The following CLCN7 variants were observed in gnomAD, a reference collection of about 807,000 sequenced individuals.
CLCN7 encodes the protein H(+)/Cl(-) exchange transporter 7.
A neutral mutation model predicts 102.1 loss-of-function variants in CLCN7; 60 were observed. The ratio of observed to expected loss-of-function variants is 0.59; its 90% CI spans 0.48 to 0.73. The LOEUF (loss-of-function observed/expected upper bound fraction) is 0.73, where lower values mean the gene tolerates loss of function less well. Among genes scored for constraint, CLCN7 ranks in the 30% least tolerant of loss-of-function variants. The pLI, the probability that CLCN7 is intolerant of heterozygous loss-of-function variation, is 0.00. For synonymous variants in CLCN7, 560 were observed against 490.5 expected (o/e 1.14, Z -1.87); for missense variants, 962 against 1,125.7 (o/e 0.85, Z 2.08).
Position 1,461,439 on chromosome 16 carries a change from AGCTGGTTC to A in CLCN7, c.309_316del (p.Glu103AspfsTer40). 1 of 1,559,094 alleles carries A rather than the reference AGCTGGTTC, an allele frequency of 6.4e-7. No homozygotes were observed. The highest frequency in any genetic ancestry group is 2.4e-5 in the East Asian group (1 of 42,162). On this transcript the variant is annotated frameshift_variant, in exon 4 of 25. Transcript: ENST00000382745. LOFTEE classifies it high-confidence loss of function. ...GATCCGCCGCTCCTCCTCCAGGAACAGCTGGTTCTCACTGTTGTCATAGTCCAAGCTCT... is the reference window on the plus strand; with the variant it reads ...GATCCGCCGCTCCTCCTCCAGGAACATCACTGTTGTCATAGTCCAAGCTCT...
chr16:1,448,599 C>T (rs2038691932), intron 20 of CLCN7, 82 bp downstream of exon 20: 2 of 1,601,982 alleles, frequency 1.2e-6, no homozygotes, highest in Non-Finnish European at 1.7e-6. Flanking sequence ...CTGCCTGGAG[C>T]CCGCAAGCCG....
intron 1 of CLCN7, among the ~76,000 whole-genome samples, chr16:1,472,126 C>A (rs1338709596): frequency 6.6e-6 from 1 of 152,238 alleles, no homozygotes; most frequent in African/African-American, 2.4e-5. Context: ...TCCCAGGCAG[C>A]CACAGAGCAA....
At position 1,446,330 on chromosome 16, in the gene CLCN7, G is replaced by A. The variant is rs1158761509; in HGVS notation, c.*301C>T. ...CCCTGCCGCTGGCTCCCAAGAGGCCGATAGCCCGGTAGGGAGGTCACACAC... is the reference window on the plus strand; with the variant it reads ...CCCTGCCGCTGGCTCCCAAGAGGCCAATAGCCCGGTAGGGAGGTCACACAC... On this transcript the variant is annotated 3_prime_UTR_variant, in exon 25 of 25. Transcript: ENST00000382745. The A allele has an allele frequency of 1.4e-5, 10 of 701,672 alleles. No homozygotes were observed. The highest frequency in any genetic ancestry group is 3.5e-5 in the African/African-American group (2 of 57,246). The allele number at this position is 701,672 out of a possible 1,614,324, so 43.5% of individuals were successfully genotyped here. A position where few individuals can be genotyped will look rare whatever the true frequency, so the allele number is the denominator to read the frequency against.
At chr16:1,452,603 G>A in intron 15 of CLCN7, 152 bp downstream of exon 15, 1 of 793,424 alleles carries the variant, frequency 1.3e-6, no homozygotes, top group Non-Finnish European at 2.0e-6. Flanking sequence ...GATCTGGGTG[G>A]ACAGGACTAA....
In CLCN7 at chr16:1,461,481, G is replaced by A; in HGVS notation, c.286-11C>T. On this transcript the variant is annotated splice_polypyrimidine_tract_variant and intron_variant, in intron 3 of 24. Transcript: ENST00000382745. ...GTCATAGTCCAAGCTCTGCAGGCCG[G>A]GACAGCAAGGGCAGCACTCAGCACC... The A allele has an allele frequency of 6.3e-7, 1 of 1,586,382 alleles. No individual in the cohort carries two copies. Among genetic ancestry groups the A allele is most frequent in the Non-Finnish European group, 8.6e-7 (1 of 1,167,212 alleles).
At chr16:1,450,293 G>A (rs755019335) in intron 17 of CLCN7, 96 of 551,428 alleles carry the variant, frequency 1.7e-4, no homozygotes, top group Non-Finnish European at 2.8e-4. Flanking sequence ...CTCCACACAT[G>A]GGCTGCGCTG....
rs750290163 is a variant in CLCN7, at chr16:1,461,686, A to G, written c.214-12T>C. ...GGAGGGTCCATATCCTGTGGCAGAA[A>G]AAGGCAAAGAGAGAAGCACAGTTGA... On this transcript the variant is annotated splice_polypyrimidine_tract_variant and intron_variant, in intron 2 of 24. Coordinates refer to ENST00000382745, the MANE Select transcript of CLCN7 (RefSeq NM_001287.6). 1 of 1,612,972 alleles carries G rather than the reference A, an allele frequency of 6.2e-7. No homozygotes were observed. Among genetic ancestry groups the G allele is most frequent in the Middle Eastern group, 1.7e-4 (1 of 6,052 alleles).
At chr16:1,468,035 G>C (rs1677982050) in intron 1 of CLCN7, among the ~76,000 whole-genome samples, 1 of 152,044 alleles carries the variant, frequency 6.6e-6, no homozygotes, top group Non-Finnish European at 1.5e-5. Flanking sequence ...GTGAGCTATG[G>C]TTGCACCACT....
intron 1 of CLCN7, among the ~76,000 whole-genome samples, chr16:1,466,989 C>A (rs1369822935): frequency 6.6e-6 from 1 of 151,328 alleles, no homozygotes; most frequent in East Asian, 1.9e-4. Flanking sequence ...CCTCCAGGGA[C>A]CCCTTCCCCA....
In CLCN7 at chr16:1,445,150, C is replaced by G. The variant is rs2038614136; in HGVS notation, c.*1481G>C. Reference sequence around the variant, plus strand: ...TCTGCCTTGCCCCCAGACCCACCAGCCAGGAGCCAGAGGAGGGAGGCTGAG... The same window carrying G: ...TCTGCCTTGCCCCCAGACCCACCAGGCAGGAGCCAGAGGAGGGAGGCTGAG... On this transcript the variant is annotated 3_prime_UTR_variant, in exon 25 of 25. Coordinates refer to ENST00000382745, the MANE Select transcript of CLCN7 (RefSeq NM_001287.6). 6.6e-6 allele frequency: 1 copy of G among 152,132 alleles called. No homozygotes were observed. The highest frequency in any genetic ancestry group is 1.5e-5 in the Non-Finnish European group (1 of 68,046). 9.4% of individuals were successfully genotyped at this position (152,132 alleles called of 1,614,324 possible). A position where few individuals can be genotyped will look rare whatever the true frequency, so the allele number is the denominator to read the frequency against.
chr16:1,455,743 C>T lies in CLCN7; in HGVS notation c.969G>A (p.Leu323=), dbSNP rs770467450. 6 of 1,613,860 alleles carry T rather than the reference C, an allele frequency of 3.7e-6. 1 individual carries two copies. The South Asian group carries it at 6.6e-5, about 18-fold the overall frequency. The change falls in exon 11 of 25, where the codon CTG becomes CTA. Residue 323 remains leucine, a synonymous_variant. Coordinates refer to ENST00000382745, the MANE Select transcript of CLCN7 (RefSeq NM_001287.6). ...EEGASFWNQF[L]TWRIFFASMI... is the part of the protein sequence containing the mutation. ...AGCAGGAACTTACGATCCTCCAGGT[C>T]AGGAACTGGTTCCAGAAGGACGCAC...
In CLCN7 at chr16:1,448,488, C is replaced by A. The variant is rs1268427379; in HGVS notation, c.1884-4G>T. On this transcript the variant is annotated splice_region_variant and splice_polypyrimidine_tract_variant and intron_variant, in intron 20 of 24. Coordinates refer to ENST00000382745, the MANE Select transcript of CLCN7 (RefSeq NM_001287.6). ...CACTGGTGTGCTCATCACCTCCCTG[C>A]CGGAGGAGCCCGGCCACACATGCCC... The A allele has an allele frequency of 4.4e-6, 7 of 1,608,150 alleles. No homozygotes were observed. The highest frequency in any genetic ancestry group is 2.2e-5 in the East Asian group (1 of 44,876).
chr16:1,447,148 C>T (rs2038661585), intron 23 of CLCN7, 62 bp from the exon 24 acceptor site: 1 of 1,475,116 alleles, frequency 6.8e-7, no homozygotes, highest in African/African-American at 1.4e-5. Context: ...GGACCCTCAC[C>T]CAAGCTGGCT....
chr16:1,473,631 C>T (rs1055161348), intron 1 of CLCN7, among the ~76,000 whole-genome samples: 9 of 151,732 alleles, frequency 5.9e-5, no homozygotes, highest in African/African-American at 2.2e-4. Flanking sequence ...CCTCGGCCTC[C>T]CAAAGTGCTG....
chr16:1,455,396 G>A (rs1229240584), intron 11 of CLCN7, 146 bp from the exon 12 acceptor site: 8 of 743,004 alleles, frequency 1.1e-5, no homozygotes, highest in African/African-American at 1.7e-5. Context: ...AGGGGCTGGA[G>A]CCAGGGGTGG....
Position 1,465,652 on chromosome 16 carries a change from G to A in CLCN7, c.142-314C>T, listed in dbSNP as rs563541174. 5.3e-5 allele frequency among the ~76,000 whole-genome samples: 8 copies of A among 152,330 alleles called. No homozygotes were observed. In the South Asian group the frequency reaches 8.3e-4, roughly 16 times the overall value. On this transcript the variant is annotated intron_variant, in intron 1 of 24. Coordinates refer to ENST00000382745, the MANE Select transcript of CLCN7 (RefSeq NM_001287.6). ...CCAGGAAAGAAGGGCTGGACAACAC[G>A]CCGCCCCCAATGCAGTGCCCGCCAC...
chr16:1,455,964 C>A, intron 10 of CLCN7, 149 bp downstream of exon 10: 1 of 973,250 alleles, frequency 1.0e-6, no homozygotes, highest in Non-Finnish European at 1.6e-6. Context: ...GGGCTGGACC[C>A]AAGTACACTG....
intron 24 of CLCN7, 72 bp from the exon 25 acceptor site, chr16:1,446,789 G>A (rs1196737218): frequency 9.6e-6 from 13 of 1,351,770 alleles, no homozygotes; most frequent in Middle Eastern, 1.8e-4. Context: ...CCTGCCTTGT[G>A]TGTGGCTGGG....
chr16:1,449,330 G>C lies in CLCN7; in HGVS notation c.1618-3C>G. 1 of 1,583,322 alleles carries C rather than the reference G, an allele frequency of 6.3e-7. No homozygotes were observed. Among genetic ancestry groups the C allele is most frequent in the Non-Finnish European group, 8.6e-7 (1 of 1,164,976 alleles). On this transcript the variant is annotated splice_polypyrimidine_tract_variant and splice_region_variant and intron_variant, in intron 17 of 24. Transcript: ENST00000382745. Reference sequence around the variant, plus strand: ...TATTTGCCGGGGTCCGCCCAGATCTGTGGGAGGTGACACGGAGGAGGTGTC... The same window carrying C: ...TATTTGCCGGGGTCCGCCCAGATCTCTGGGAGGTGACACGGAGGAGGTGTC...
Sources: gnomAD v4.1 joint callset for allele counts (sites outside exome capture counted in the v4.1 genomes callset) on GRCh38, gnomAD v4.1.1 for gene constraint, MANE v1.5 for transcripts, NCBI Gene and HGNC (gene_info 2026-07-23, HGNC 2026-07-21) for gene names.